The following MYH11 variants were observed in gnomAD, a reference collection of about 807,000 sequenced individuals.
MYH11 encodes the protein myosin heavy chain 11, also known as myosin-11.
A neutral mutation model predicts 246.6 loss-of-function variants in MYH11; 80 were observed. That is an observed-to-expected ratio of 0.32 (90% CI 0.27 to 0.39). The LOEUF (loss-of-function observed/expected upper bound fraction) is 0.39. Ranked by LOEUF, MYH11 falls within the 10% of genes least tolerant of loss-of-function variation. The probability of loss-of-function intolerance (pLI) is 1.00; values close to 1 mark genes in which losing one functional copy is unlikely to be tolerated. For missense variants in MYH11, 2,158 were observed against 2,546.8 expected (o/e 0.85, Z 3.29); for synonymous variants, 1,071 against 1,015.5 (o/e 1.05, Z -1.04).
At chr16:15,709,555 TCCAC>T (rs1327073996) in intron 40 of MYH11, among the ~76,000 whole-genome samples, 2 of 152,132 alleles carry the variant, frequency 1.3e-5, no homozygotes, top group Non-Finnish European at 2.9e-5. Context: ...CCTCAAGTGA[TCCAC>T]CCACCTCGGC....
intron 28 of MYH11, chr16:15,725,400 G>A: frequency 1.9e-6 from 1 of 519,918 alleles, no homozygotes; most frequent in Non-Finnish European, 3.3e-6. Flanking sequence ...GGGAGACCAG[G>A]ATGGTACTTG....
At chr16:15,766,662 G>T (rs529514048) in intron 9 of MYH11, among the ~76,000 whole-genome samples, 1 of 152,208 alleles carries the variant, frequency 6.6e-6, no homozygotes, top group African/African-American at 2.4e-5. Flanking sequence ...CACAGTGCCC[G>T]GCCTACCCAT....
rs547072550 is a variant in MYH11 at position 15,758,285 on chromosome 16, G to A, written c.1402-285C>T. On this transcript the variant is annotated intron_variant, in intron 12 of 40. Transcript: ENST00000300036. ...AACCTCGTAAGGCACGCTACTGCAT[G>A]TACAGATGTGGAAACATTTTACAGA... 1.5e-3 allele frequency among the ~76,000 whole-genome samples: 231 copies of A among 152,330 alleles called. 3 individuals carry two copies. The Middle Eastern group carries it at 0.048, about 31-fold the overall frequency.
At chr16:15,834,004 A>G (rs1442662862) in intron 2 of MYH11, among the ~76,000 whole-genome samples, 2 of 152,180 alleles carry the variant, frequency 1.3e-5, no homozygotes, top group African/African-American at 4.8e-5. Flanking sequence ...CAGGAATTTG[A>G]AGCTTTGATT....
At chr16:15,735,866 A>G (rs898002399) in intron 25 of MYH11, among the ~76,000 whole-genome samples, 1 of 152,232 alleles carries the variant, frequency 6.6e-6, no homozygotes, top group African/African-American at 2.4e-5. Context: ...TTGACCCCAG[A>G]CTGGCAAGGT....
chr16:15,743,466 G>T (rs2041332441), intron 20 of MYH11, among the ~76,000 whole-genome samples: 1 of 152,204 alleles, frequency 6.6e-6, no homozygotes, highest in South Asian at 2.1e-4. Flanking sequence ...ACCACACCTG[G>T]CTAAGACGAT....
Position 15,727,061 on chromosome 16 carries a change from A to C in MYH11, c.3652-7T>G. The C allele has an allele frequency of 6.2e-7, 1 of 1,613,042 alleles. No homozygotes were observed. Among genetic ancestry groups the C allele is most frequent in the East Asian group, 2.2e-5 (1 of 44,866 alleles). On this transcript the variant is annotated splice_region_variant and splice_polypyrimidine_tract_variant and intron_variant, in intron 27 of 40. Transcript: ENST00000300036. ...TGTCTAGGTTCGCCTTGGCCTGGCG[A>C]AGGAAGCAGAGGGGAGGGATAACAG... is the stretch of plus-strand genomic sequence containing the variant.
At position 15,719,947 on chromosome 16, in the gene MYH11, C is replaced by T. The variant is rs144592555; in HGVS notation, c.4953+204G>A. Among the ~76,000 whole-genome samples, 633 of 152,280 alleles carry T rather than the reference C, an allele frequency of 4.2e-3. 4 individuals carry two copies. Among genetic ancestry groups the T allele is most frequent in the African/African-American group, 0.014 (602 of 41,548 alleles). On this transcript the variant is annotated intron_variant, in intron 34 of 40. Transcript: ENST00000300036. The stretch of plus-strand genomic sequence containing the variant: ...CTGAGCCCCTGATGTGATCTGAGGG[C>T]AGTGGCCAAATACCTAATAATGCTG...
At chr16:15,775,924 TGG>T in intron 8 of MYH11, 152 bp downstream of exon 8, 1 of 713,998 alleles carries the variant, frequency 1.4e-6, no homozygotes. Flanking sequence ...ACTCACTCAT[TGG>T]GAGGAGATGA....
chr16:15,793,945 C>CTTTTTTTTTTTTTTTTTTT (rs61625627), intron 4 of MYH11, among the ~76,000 whole-genome samples: 2 of 70,230 alleles, frequency 2.8e-5, no homozygotes, highest in Non-Finnish European at 5.4e-5. Context: ...CTTTTCTTTT[C>CTTTTTTTTTTTTTTTTTTT]TTTTTTTTTT....
chr16:15,704,272 T>A lies in MYH11; in HGVS notation c.5787-149A>T, dbSNP rs1283020234. 7 of 847,978 alleles carry A rather than the reference T, an allele frequency of 8.3e-6. No individual in the cohort carries two copies. In the Admixed American group the frequency reaches 1.4e-4, roughly 17 times the overall value. The allele number at this position is 847,978 out of a possible 1,614,324, so 52.5% of individuals were successfully genotyped here. On this transcript the variant is annotated intron_variant, in intron 40 of 40. Coordinates refer to ENST00000300036, the MANE Select transcript of MYH11 (RefSeq NM_002474.3). Reference sequence around the variant, plus strand: ...GAAAACACACACGGCACAAATAAGATGCAGATATTCAAGTTGAAGTCAACA... The same window carrying A: ...GAAAACACACACGGCACAAATAAGAAGCAGATATTCAAGTTGAAGTCAACA...
rs71134463 is a variant in MYH11 at position 15,806,279 on chromosome 16, C to CAAA, written c.503-7595_503-7593dup. On this transcript the variant is annotated intron_variant, in intron 3 of 40. Coordinates refer to ENST00000300036, the MANE Select transcript of MYH11 (RefSeq NM_002474.3). ...GCGAGTGCAGTGAGACACTCTGTCT[C>CAAA]AAAAAAAAAAAAAAAAAAAAAAAAA... 2.6e-4 allele frequency among the ~76,000 whole-genome samples: 16 copies of CAAA among 61,128 alleles called. 4 individuals are homozygous for CAAA. The highest frequency in any genetic ancestry group is 0.01 in the Middle Eastern group (1 of 96). The allele number at this position is 61,128 out of a possible 152,430, so 40.1% of individuals were successfully genotyped here.
intron 1 of MYH11, among the ~76,000 whole-genome samples, chr16:15,848,157 C>T (rs1567218595): frequency 6.6e-6 from 1 of 150,892 alleles, no homozygotes; most frequent in Non-Finnish European, 1.5e-5. Context: ...AAAAATTTGC[C>T]AAATTTTTGA....
rs539539812 is a variant in MYH11 at position 15,798,684 on chromosome 16, C to T, written c.506G>A (p.Arg169Gln). 1.9e-6 allele frequency: 3 copies of T among 1,612,200 alleles called. No homozygotes were observed. Among genetic ancestry groups the T allele is most frequent in the Admixed American group, 1.7e-5 (1 of 59,866 alleles). ...DTAYRSMLQD[R>Q]EDQSILCTGE... ...CGTGCATAGAATGGACTGGTCCTCC[C>T]GATCTGCAAACAGAAAGAAGAAAAA... is the stretch of plus-strand genomic sequence containing the variant. The change falls in exon 4 of 41, where the codon CGG becomes CAG. Residue 169 changes from arginine to glutamine, a missense_variant. Arg to Gln is a conservative substitution (Grantham distance 43). Coordinates refer to ENST00000300036, the MANE Select transcript of MYH11 (RefSeq NM_002474.3).
chr16:15,708,734 G>T, intron 40 of MYH11: 2 of 1,503,396 alleles, frequency 1.3e-6, no homozygotes, highest in Non-Finnish European at 1.8e-6. Context: ...GGTGGGCAGA[G>T]GGGCGCATTG....
At chr16:15,722,173 C>G (rs976994028) in intron 31 of MYH11, among the ~76,000 whole-genome samples, 2 of 152,052 alleles carry the variant, frequency 1.3e-5, no homozygotes, top group African/African-American at 4.8e-5. Context: ...CCTTGTGCTT[C>G]GAAACCACTA....
At chr16:15,731,052 G>A (rs2151233290) in intron 27 of MYH11, among the ~76,000 whole-genome samples, 1 of 152,148 alleles carries the variant, frequency 6.6e-6, no homozygotes, top group East Asian at 1.9e-4. Context: ...AAAGTCCTGG[G>A]CTCAAGCAAT....
rs760991178 is a variant in MYH11, at chr16:15,747,714, AG to A, written c.2266del (p.Asp757ThrfsTer7). On this transcript the variant is annotated frameshift_variant, in exon 19 of 41. Transcript: ENST00000300036. LOFTEE classifies it high-confidence loss of function. ...CCCTATCCTGTATAAGTTGGGGTCA[AG>A]TTCCAGGGCTTTGATCTGCAAAAGG... The part of the protein sequence containing the change: ...ACILMIKALE[L>X]DPNLYRIGQS... 1 of 1,613,966 alleles carries A rather than the reference AG, an allele frequency of 6.2e-7. No homozygotes were observed. The highest frequency in any genetic ancestry group is 1.3e-5 in the African/African-American group (1 of 74,898).
intron 4 of MYH11, among the ~76,000 whole-genome samples, chr16:15,787,633 T>C (rs8048091): frequency 0.26 from 39,750 of 151,276 alleles, 6,211 homozygotes; most frequent in African/African-American, 0.43. Flanking sequence ...ACCAGCACAC[T>C]CGGCTAATTT....
Sources: allele counts gnomAD v4.1 joint callset (sites outside exome capture counted in the v4.1 genomes callset), GRCh38; gene constraint gnomAD v4.1.1; transcripts MANE v1.5; gene names NCBI Gene and HGNC (gene_info 2026-07-23, HGNC 2026-07-21).